TBC1D5: variants seen among roughly 807,000 people sequenced by gnomAD.
TBC1D5 encodes TBC1 domain family member 5, also known as TBC1 domain family, member 5.
In TBC1D5, 75 loss-of-function variants were observed where a neutral mutation model predicts 100.3. The observed-to-expected ratio is 0.75, with a 90% confidence interval of 0.62 to 0.91. TBC1D5 has a LOEUF of 0.91. Among genes scored for constraint, TBC1D5 ranks in the 40% least tolerant of loss-of-function variants. TBC1D5 has a pLI of 0.00. For missense variants in TBC1D5, 910 were observed against 942.4 expected (o/e 0.97, Z 0.45); for synonymous variants, 323 against 325.6 (o/e 0.99, Z 0.09).
At chr3:17,456,340 A>G (rs1420770261) in intron 3 of TBC1D5, among the ~76,000 whole-genome samples, 1 of 152,226 alleles carries the variant, frequency 6.6e-6, no homozygotes, top group Non-Finnish European at 1.5e-5. Flanking sequence ...AGTAATAGAA[A>G]AAATGAACAA....
At chr3:17,566,250 T>TA (rs2096592975) in intron 2 of TBC1D5, among the ~76,000 whole-genome samples, 1 of 152,038 alleles carries the variant, frequency 6.6e-6, no homozygotes, top group African/African-American at 2.4e-5. Flanking sequence ...ATTATGCACT[T>TA]ACGTTAAAAT....
At chr3:17,479,426 C>T (rs906565793) in intron 3 of TBC1D5, among the ~76,000 whole-genome samples, 1 of 152,156 alleles carries the variant, frequency 6.6e-6, no homozygotes, top group Non-Finnish European at 1.5e-5. Context: ...GAAACACTTT[C>T]AAACAATATA....
chr3:17,484,224 G>T (rs114469890), intron 3 of TBC1D5, among the ~76,000 whole-genome samples: 10 of 152,100 alleles, frequency 6.6e-5, no homozygotes, highest in African/African-American at 1.9e-4. Context: ...TACTATTTTC[G>T]ATATGAAACC....
chr3:17,374,647 T>C, exon 11 of TBC1D5: 1 of 1,611,300 alleles, frequency 6.2e-7, no homozygotes, highest in Non-Finnish European at 8.5e-7. Context: ...ATGTTCCAGA[T>C]ACTCAGGGTT....
chr3:17,407,525 A>G (rs1209912658), intron 4 of TBC1D5, among the ~76,000 whole-genome samples: 5 of 152,110 alleles, frequency 3.3e-5, no homozygotes, highest in Non-Finnish European at 7.4e-5. Flanking sequence ...AAAACCCTCA[A>G]TCATTCTTCC....
intron 16 of TBC1D5, among the ~76,000 whole-genome samples, chr3:17,247,083 G>A (rs1402802099): frequency 6.6e-6 from 1 of 152,186 alleles, no homozygotes; most frequent in East Asian, 1.9e-4. Flanking sequence ...TGGAGACTGG[G>A]TAGGTAAGGT....
chr3:17,510,248 C>A (rs1433118651), intron 2 of TBC1D5, among the ~76,000 whole-genome samples: 1 of 151,946 alleles, frequency 6.6e-6, no homozygotes, highest in African/African-American at 2.4e-5. Context: ...ACAAAATGCT[C>A]CTCTATCCTA....
At chr3:17,360,589 C>T (rs987771063) in intron 13 of TBC1D5, among the ~76,000 whole-genome samples, 19 of 151,832 alleles carry the variant, frequency 1.3e-4, no homozygotes, top group African/African-American at 3.6e-4. Flanking sequence ...TTGTTTCAAT[C>T]GCCTCAATTC....
At chr3:17,566,743 C>A (rs956922553) in intron 2 of TBC1D5, among the ~76,000 whole-genome samples, 1 of 151,694 alleles carries the variant, frequency 6.6e-6, no homozygotes, top group African/African-American at 2.4e-5. Context: ...AAAATTTATT[C>A]CTTTTAGAAA....
At chr3:17,445,061 T>A (rs1407418888) in intron 3 of TBC1D5, among the ~76,000 whole-genome samples, 2 of 152,190 alleles carry the variant, frequency 1.3e-5, no homozygotes, top group African/African-American at 4.8e-5. Context: ...ATACTGACAC[T>A]TGCCCTGAAT....
intron 3 of TBC1D5, among the ~76,000 whole-genome samples, chr3:17,470,292 G>T (rs1034209340): frequency 6.6e-6 from 1 of 151,958 alleles, no homozygotes; most frequent in South Asian, 2.1e-4. Flanking sequence ...AGGTACATTG[G>T]GTAATGGTAA....
chr3:17,638,681 A>C (rs1227401759), intron 1 of TBC1D5, among the ~76,000 whole-genome samples: 1 of 152,224 alleles, frequency 6.6e-6, no homozygotes, highest in African/African-American at 2.4e-5. Context: ...CATTTTATAC[A>C]ACTGAATTTG....
intron 1 of TBC1D5, among the ~76,000 whole-genome samples, chr3:17,687,706 C>G (rs966910672): frequency 2.0e-5 from 3 of 152,164 alleles, no homozygotes; most frequent in Non-Finnish European, 2.9e-5. Flanking sequence ...ACATTGCAGG[C>G]AGCAGGAAGA....
chr3:17,652,079 C>T (rs1203113361), intron 1 of TBC1D5, among the ~76,000 whole-genome samples: 2 of 152,018 alleles, frequency 1.3e-5, no homozygotes, highest in Non-Finnish European at 2.9e-5. Flanking sequence ...TTAAAAAAGC[C>T]AACTCATATT....
At chr3:17,662,723 A>C (rs1055915831) in intron 1 of TBC1D5, among the ~76,000 whole-genome samples, 1 of 152,186 alleles carries the variant, frequency 6.6e-6, no homozygotes, top group Non-Finnish European at 1.5e-5. Context: ...TGAGTGTCCA[A>C]TTAAAGATCC....
intron 8 of TBC1D5, among the ~76,000 whole-genome samples, chr3:17,396,951 A>G (rs1482748371): frequency 6.6e-6 from 1 of 152,146 alleles, no homozygotes; most frequent in African/African-American, 2.4e-5. Flanking sequence ...AGCACTGTCC[A>G]AAGAACTTTC....
At chr3:17,264,440 G>C (rs941558597) in intron 15 of TBC1D5, among the ~76,000 whole-genome samples, 1 of 152,166 alleles carries the variant, frequency 6.6e-6, no homozygotes, top group African/African-American at 2.4e-5. Context: ...CAAAGGACTG[G>C]CTATTTATAA....
chr3:17,607,991 A>C (rs1369556423), intron 2 of TBC1D5, among the ~76,000 whole-genome samples: 1 of 152,252 alleles, frequency 6.6e-6, no homozygotes, highest in Non-Finnish European at 1.5e-5. Context: ...TATCTTTCCA[A>C]AATTCTACAG....
At chr3:17,607,404 T>G (rs184013805) in intron 2 of TBC1D5, among the ~76,000 whole-genome samples, 3 of 152,160 alleles carry the variant, frequency 2.0e-5, no homozygotes, top group Admixed American at 6.5e-5. Context: ...CAACATAAAT[T>G]TGAATCCAAA....
Sources: gnomAD v4.1 joint callset for allele counts (sites outside exome capture counted in the v4.1 genomes callset) on GRCh38, gnomAD v4.1.1 for gene constraint, MANE v1.5 for transcripts, NCBI Gene and HGNC (gene_info 2026-07-23, HGNC 2026-07-21) for gene names.